PAPOLA: variants seen among roughly 807,000 people sequenced by gnomAD.
PAPOLA encodes the protein polynucleotide adenylyltransferase alpha.
Under a neutral mutation model 100.6 loss-of-function variants are expected in PAPOLA, and 15 were observed. That is an observed-to-expected ratio of 0.15 (90% CI 0.10 to 0.23). The LOEUF is 0.23. Among genes scored for constraint, PAPOLA ranks in the 10% least tolerant of loss-of-function variants. The pLI is 1.00. For missense variants in PAPOLA, 533 were observed against 884.2 expected (o/e 0.60, Z 5.04); for synonymous variants, 293 against 300.0 (o/e 0.98, Z 0.24).
chr14:96,552,602 C>T lies in PAPOLA; in HGVS notation c.1644C>T (p.Asn548=). The part of the protein sequence containing the change: ...PTSATKTSPL[N]SSGSSQGRNS... ...GTGCTACGAAGACCAGTCCATTGAA[C>T]AGTTCTGGCAGCTCTCAGGGGTAAG... is the stretch of plus-strand genomic sequence containing the variant. Residue 548 remains asparagine (N), a synonymous_variant, in exon 17 of 22, where the codon AAC becomes AAT. Transcript: ENST00000216277. 6.2e-7 allele frequency: 1 copy of T among 1,613,650 alleles called. No homozygotes were observed. Among genetic ancestry groups the T allele is most frequent in the Non-Finnish European group, 8.5e-7 (1 of 1,179,830 alleles).
chr14:96,503,016 C>T (rs954278438), intron 1 of PAPOLA: 59 of 200,366 alleles, frequency 2.9e-4, no homozygotes, highest in Non-Finnish European at 4.4e-4. Flanking sequence ...TCGCTCTCGG[C>T]GCCCCTCGGG....
At chr14:96,561,430 C>T (rs1357034921) in intron 20 of PAPOLA, among the ~76,000 whole-genome samples, 1 of 152,060 alleles carries the variant, frequency 6.6e-6, no homozygotes, top group African/African-American at 2.4e-5. Flanking sequence ...AATGCCCTTG[C>T]TTTATAATTT....
chr14:96,522,406 A>C lies in PAPOLA; in HGVS notation c.249+1334A>C, dbSNP rs1898078204. ...AGTGCTGGGATTACAGGCGTGAGGT[A>C]CTGTTCTGTCCTCTTTTTTTTTTTG... On this transcript the variant is annotated intron_variant, in intron 3 of 21. Coordinates refer to ENST00000216277, the MANE Select transcript of PAPOLA (RefSeq NM_032632.5). 2.7e-5 allele frequency among the ~76,000 whole-genome samples: 4 copies of C among 150,518 alleles called. No individual in the cohort carries two copies. In the South Asian group the frequency reaches 6.3e-4, roughly 24 times the overall value.
intron 1 of PAPOLA, among the ~76,000 whole-genome samples, chr14:96,504,136 A>G (rs1896544922): frequency 6.6e-6 from 1 of 152,196 alleles, no homozygotes; most frequent in African/African-American, 2.4e-5. Context: ...GTTTGCAGTG[A>G]TGTCGTGATG....
At chr14:96,511,352 G>C (rs1214000706) in intron 1 of PAPOLA, among the ~76,000 whole-genome samples, 2 of 152,054 alleles carry the variant, frequency 1.3e-5, no homozygotes, top group African/African-American at 4.8e-5. Context: ...CTTGAGCCCA[G>C]GCGTTCGACA....
At chr14:96,532,772 C>T in intron 9 of PAPOLA, 123 bp downstream of exon 9, 6 of 1,415,066 alleles carry the variant, frequency 4.2e-6, no homozygotes, top group Non-Finnish European at 5.5e-6. Flanking sequence ...GTCATGTAGG[C>T]AGCCTTGGAG....
chr14:96,523,305 TACTAGTC>T (rs1566842022), intron 3 of PAPOLA, among the ~76,000 whole-genome samples: 1 of 152,210 alleles, frequency 6.6e-6, no homozygotes, highest in Non-Finnish European at 1.5e-5. Context: ...GTTTATAATA[TACTAGTC>T]ACTAGTCACC....
intron 1 of PAPOLA, among the ~76,000 whole-genome samples, chr14:96,514,147 A>G (rs1897279371): frequency 6.6e-6 from 1 of 151,486 alleles, no homozygotes; most frequent in African/African-American, 2.4e-5. Context: ...CAGTTAACAA[A>G]TCATAGGAAC....
intron 14 of PAPOLA, 40 bp downstream of exon 14, chr14:96,542,933 A>T (rs768872475): frequency 6.2e-7 from 1 of 1,602,094 alleles, no homozygotes; most frequent in Non-Finnish European, 8.5e-7. Context: ...TCCCATTTCC[A>T]ATTTTTATTC....
At chr14:96,531,414 T>C in intron 6 of PAPOLA, 61 bp from the exon 7 acceptor site, 1 of 1,314,034 alleles carries the variant, frequency 7.6e-7, no homozygotes, top group Non-Finnish European at 1.0e-6. Context: ...GTTTGTTTTT[T>C]CATAGAAATG....
chr14:96,557,354 A>G (rs1052844656), intron 19 of PAPOLA, among the ~76,000 whole-genome samples: 2 of 152,246 alleles, frequency 1.3e-5, no homozygotes, highest in African/African-American at 2.4e-5. Flanking sequence ...GCAAGCTGGT[A>G]TTAACCTTTT....
intron 3 of PAPOLA, 117 bp downstream of exon 3, chr14:96,521,189 T>TTTAA (rs1897934005): frequency 1.5e-6 from 1 of 658,854 alleles, no homozygotes; most frequent in African/African-American, 1.8e-5. Flanking sequence ...GTGGAGTCAA[T>TTTAA]TTTAGACTAT....
intron 15 of PAPOLA, 167 bp from the exon 16 acceptor site, chr14:96,547,630 T>G: frequency 2.0e-6 from 1 of 493,556 alleles, no homozygotes; most frequent in East Asian, 3.6e-5. Flanking sequence ...TAAAAGGAGT[T>G]TGCTCAGGCA....
At chr14:96,542,676 G>T in intron 13 of PAPOLA, 98 bp from the exon 14 acceptor site, 1 of 1,121,870 alleles carries the variant, frequency 8.9e-7, no homozygotes, top group Non-Finnish European at 1.3e-6. Flanking sequence ...TTTATCTGTG[G>T]GAGTTCAGCT....
In PAPOLA at chr14:96,532,530, T is replaced by C. The variant is rs778722244; in HGVS notation, c.717T>C (p.Asn239=). The change falls in exon 9 of 22, where the codon AAT becomes AAC. Residue 239 remains asparagine, a synonymous_variant. Transcript: ENST00000216277. ...CAACAGGCCACAACATCTATTCCAATATATTAGGTTTCCTCGGTGGTGTTT... is the reference window on the plus strand; with the variant it reads ...CAACAGGCCACAACATCTATTCCAACATATTAGGTTTCCTCGGTGGTGTTT... ...LWAKRHNIYS[N]ILGFLGGVSW... 1 of 1,609,556 alleles carries C rather than the reference T, an allele frequency of 6.2e-7. No individual in the cohort carries two copies. Among genetic ancestry groups the C allele is most frequent in the East Asian group, 2.2e-5 (1 of 44,840 alleles).
At chr14:96,549,913 G>C (rs1312876544) in intron 16 of PAPOLA, among the ~76,000 whole-genome samples, 1 of 152,160 alleles carries the variant, frequency 6.6e-6, no homozygotes, top group Non-Finnish European at 1.5e-5. Flanking sequence ...AGTGACTTGT[G>C]AGGCTGCAGT....
intron 3 of PAPOLA, among the ~76,000 whole-genome samples, chr14:96,523,884 A>C (rs939348685): frequency 6.6e-6 from 1 of 151,864 alleles, no homozygotes; most frequent in African/African-American, 2.4e-5. Flanking sequence ...CAGAGGTTGC[A>C]GTAAGCCGAG....
chr14:96,525,073 G>A (rs974685741), intron 3 of PAPOLA, among the ~76,000 whole-genome samples: 1 of 152,130 alleles, frequency 6.6e-6, no homozygotes, highest in African/African-American at 2.4e-5. Flanking sequence ...TCTAGAAATA[G>A]GGCAAGAATC....
chr14:96,529,016 C>A (rs915758608), intron 6 of PAPOLA, among the ~76,000 whole-genome samples: 2 of 151,906 alleles, frequency 1.3e-5, no homozygotes, highest in Non-Finnish European at 2.9e-5. Flanking sequence ...TGGAAGGAGA[C>A]CTGACCTAAC....
Sources: gnomAD v4.1 joint callset for allele counts (sites outside exome capture counted in the v4.1 genomes callset) on GRCh38, gnomAD v4.1.1 for gene constraint, MANE v1.5 for transcripts, NCBI Gene and HGNC (gene_info 2026-07-23, HGNC 2026-07-21) for gene names.